The following MAD1L1 variants were observed in gnomAD, a reference collection of about 807,000 sequenced individuals.
MAD1L1 encodes the protein mitotic arrest deficient 1 like 1, also known as mitotic spindle assembly checkpoint protein MAD1.
In MAD1L1, 95 loss-of-function variants were observed where a neutral mutation model predicts 96.9. The ratio of observed to expected loss-of-function variants is 0.98; its 90% CI spans 0.83 to 1.16. The LOEUF (loss-of-function observed/expected upper bound fraction) is 1.16, where lower values mean the gene tolerates loss of function less well. Among genes scored for constraint, MAD1L1 ranks in the 50% most tolerant of loss-of-function variants. MAD1L1 has a pLI of 0.00. For missense variants in MAD1L1, 1,007 were observed against 954.4 expected, an observed-to-expected ratio of 1.06 and a Z score of -0.73; for synonymous variants, 473 against 396.6, an observed-to-expected ratio of 1.19 and a Z score of -2.29.
chr7:2,027,589 A>G (rs1783044462), intron 12 of MAD1L1, among the ~76,000 whole-genome samples: 1 of 152,266 alleles, frequency 6.6e-6, no homozygotes, highest in Admixed American at 6.5e-5. Flanking sequence ...AAAATATAGA[A>G]GAAAATCAAA....
intron 18 of MAD1L1, among the ~76,000 whole-genome samples, chr7:1,875,646 C>A (rs7788921): frequency 0.3 from 45,480 of 152,114 alleles, 8,166 homozygotes; most frequent in African/African-American, 0.5. Context: ...ACTCCAGGAA[C>A]CCCGGGAGGT....
chr7:2,079,290 G>A (rs917109269), intron 11 of MAD1L1, among the ~76,000 whole-genome samples: 13 of 152,172 alleles, frequency 8.5e-5, no homozygotes, highest in East Asian at 1.9e-4. Context: ...AGCGTGGCAC[G>A]CAGCTGTTGT....
chr7:1,836,391 T>C (rs1473883260), intron 18 of MAD1L1, among the ~76,000 whole-genome samples: 4 of 152,190 alleles, frequency 2.6e-5, no homozygotes, highest in Admixed American at 2.0e-4. Context: ...GCAACCTGTT[T>C]TATCAGCCAA....
chr7:2,182,743 G>A (rs897092216), intron 10 of MAD1L1, among the ~76,000 whole-genome samples: 3 of 152,162 alleles, frequency 2.0e-5, no homozygotes, highest in East Asian at 1.9e-4. Flanking sequence ...GATACACAAC[G>A]TCCAGAACAG....
At chr7:2,043,556 G>A (rs114266863) in intron 12 of MAD1L1, among the ~76,000 whole-genome samples, 1,767 of 152,344 alleles carry the variant, frequency 0.012, 24 homozygotes, top group African/African-American at 0.033. Flanking sequence ...CGTGATGCCC[G>A]GGTACCGTGC....
intron 11 of MAD1L1, among the ~76,000 whole-genome samples, chr7:2,127,175 C>A (rs1222703352): frequency 2.6e-5 from 4 of 152,240 alleles, no homozygotes; most frequent in Non-Finnish European, 5.9e-5. Context: ...GTGCTCAGGG[C>A]TGGCATGAGC....
In MAD1L1 at chr7:2,108,422, A is replaced by G. The variant is rs570457650; in HGVS notation, c.1074-39084T>C. On this transcript the variant is annotated intron_variant, in intron 11 of 18. Transcript: ENST00000265854. ...TCAAATTATACTTTTTTAGTTTAAA[A>G]CTTTATTTAAAATAAAAAGTTATTT... Among the ~76,000 whole-genome samples the G allele has an allele frequency of 3.4e-4, 52 of 152,370 alleles. No homozygotes were observed. The South Asian group carries it at 0.011, about 32-fold the overall frequency.
At chr7:1,816,420 C>T (rs2128617567) in intron 18 of MAD1L1, among the ~76,000 whole-genome samples, 192 bp from the exon 19 acceptor site, 1 of 151,706 alleles carries the variant, frequency 6.6e-6, no homozygotes, top group East Asian at 1.9e-4. Context: ...TAACCCAGGG[C>T]AAGGTCTCTG....
At chr7:2,229,427 G>A (rs573091003) in intron 3 of MAD1L1, among the ~76,000 whole-genome samples, 1 of 152,338 alleles carries the variant, frequency 6.6e-6, no homozygotes, top group South Asian at 2.1e-4. Flanking sequence ...TGTCTACAGT[G>A]AGAAACCCCA....
At chr7:2,182,574 T>C (rs1017962881) in intron 10 of MAD1L1, among the ~76,000 whole-genome samples, 3 of 152,150 alleles carry the variant, frequency 2.0e-5, no homozygotes, top group East Asian at 1.9e-4. Flanking sequence ...CTACAGCTGA[T>C]GAATGGGTCA....
intron 10 of MAD1L1, among the ~76,000 whole-genome samples, chr7:2,210,276 C>T (rs1792843523): frequency 6.6e-6 from 1 of 152,116 alleles, no homozygotes; most frequent in South Asian, 2.1e-4. Context: ...CAACTGCGTT[C>T]CCCAGGCTGA....
At chr7:2,128,025 G>C (rs1436683087) in intron 11 of MAD1L1, among the ~76,000 whole-genome samples, 1 of 152,164 alleles carries the variant, frequency 6.6e-6, no homozygotes, top group East Asian at 1.9e-4. Flanking sequence ...CTGACACTGA[G>C]AGACATTCGA....
At chr7:2,158,158 C>T (rs1027092012) in intron 10 of MAD1L1, among the ~76,000 whole-genome samples, 3 of 152,204 alleles carry the variant, frequency 2.0e-5, no homozygotes, top group Middle Eastern at 3.2e-3. Flanking sequence ...GTTCTATCTG[C>T]AGCTGAATTT....
intron 10 of MAD1L1, among the ~76,000 whole-genome samples, chr7:2,193,673 C>T (rs567789539): frequency 1.3e-5 from 2 of 152,350 alleles, no homozygotes; most frequent in East Asian, 1.9e-4. Flanking sequence ...AGGGGTAACA[C>T]GGCCGCGGGT....
chr7:2,092,363 A>G lies in MAD1L1; in HGVS notation c.1074-23025T>C, dbSNP rs191691755. Among the ~76,000 whole-genome samples the G allele has an allele frequency of 2.2e-3, 332 of 152,204 alleles. 1 individual carries two copies. The highest frequency in any genetic ancestry group is 7.7e-3 in the African/African-American group (319 of 41,530). The stretch of plus-strand genomic sequence containing the variant: ...AGCCTCAAATTCCCAGGTTCAAGCA[A>G]TCCTCCCACCTCAGCCTCCTAAAAT... On this transcript the variant is annotated intron_variant, in intron 11 of 18. Coordinates refer to ENST00000265854, the MANE Select transcript of MAD1L1 (RefSeq NM_001013836.2).
At position 1,838,250 on chromosome 7, in the gene MAD1L1, G is replaced by T. The variant is rs551575804; in HGVS notation, c.1999-22022C>A. On this transcript the variant is annotated intron_variant, in intron 18 of 18. Transcript: ENST00000265854. ...AGTGGCGCGTGCTGGGGAGGACGGG[G>T]AGAAGCTGGGAGAACAGGCAGCTCC... is the stretch of plus-strand genomic sequence containing the variant. Among the ~76,000 whole-genome samples the T allele has an allele frequency of 1.4e-4, 21 of 152,352 alleles. No homozygotes were observed. In the South Asian group the frequency reaches 4.3e-3, roughly 32 times the overall value.
At chr7:2,071,552 G>A (rs1785127907) in intron 11 of MAD1L1, among the ~76,000 whole-genome samples, 2 of 152,210 alleles carry the variant, frequency 1.3e-5, no homozygotes, top group African/African-American at 2.4e-5. Context: ...CAGCCCCTGG[G>A]CAGCTGCAGG....
chr7:1,921,369 A>C (rs1583794350), intron 17 of MAD1L1, among the ~76,000 whole-genome samples: 1 of 145,864 alleles, frequency 6.9e-6, no homozygotes, highest in African/African-American at 2.6e-5. Flanking sequence ...CCCAGGCTGG[A>C]GTGCAATGGT....
chr7:1,916,995 G>A (rs993735648), intron 17 of MAD1L1, among the ~76,000 whole-genome samples: 8 of 151,916 alleles, frequency 5.3e-5, no homozygotes, highest in Non-Finnish European at 1.0e-4. Flanking sequence ...GTGTCCTCCA[G>A]TCATCACAGC....
Sources: gnomAD v4.1 joint callset for allele counts (sites outside exome capture counted in the v4.1 genomes callset) on GRCh38, gnomAD v4.1.1 for gene constraint, MANE v1.5 for transcripts, NCBI Gene and HGNC (gene_info 2026-07-23, HGNC 2026-07-21) for gene names.